Variants in CASZ1 observed in about 807,000 individuals in gnomAD.
The protein encoded by CASZ1 is castor zinc finger 1, also known as zinc finger protein castor homolog 1.
A neutral mutation model predicts 135.2 loss-of-function variants in CASZ1; 28 were observed. The observed-to-expected ratio is 0.21, with a 90% CI of 0.15 to 0.28. The LOEUF (loss-of-function observed/expected upper bound fraction) is 0.28. Among genes scored for constraint, CASZ1 ranks in the 10% least tolerant of loss-of-function variants. CASZ1 has a pLI of 1.00. For synonymous variants in CASZ1, 1,068 were observed against 1,073.4 expected (o/e 0.99, Z 0.10); for missense variants, 2,161 against 2,453.3 (o/e 0.88, Z 2.52).
At chr1:10,652,546 G>A (rs1642627991) in intron 11 of CASZ1, 1 of 152,256 alleles carries the variant, frequency 6.6e-6, no homozygotes, top group African/African-American at 2.4e-5. Flanking sequence ...ACTGGGAGAG[G>A]AGTGAGGTAA....
chr1:10,713,587 T>C (rs1474009311), intron 2 of CASZ1, among the ~76,000 whole-genome samples: 2 of 152,372 alleles, frequency 1.3e-5, no homozygotes. Context: ...CCAGCCATCC[T>C]GGACTGGAGG....
rs1640248608 is a variant in CASZ1, at chr1:10,756,032, C to T, written c.-77+4669G>A. ...CCCACGCGTGCACAGATGCACACGCCTCCCACCCGGACACACCCTCCCCCA... is the reference window on the plus strand; with the variant it reads ...CCCACGCGTGCACAGATGCACACGCTTCCCACCCGGACACACCCTCCCCCA... On this transcript the variant is annotated intron_variant, in intron 2 of 20. Coordinates refer to ENST00000377022, the MANE Select transcript of CASZ1 (RefSeq NM_001079843.3). This position sits in a 1 kb window ranked among gnomAD's most constrained non-coding sequence, Gnocchi z 5.9. 6.6e-6 allele frequency among the ~76,000 whole-genome samples: 1 copy of T among 152,162 alleles called. No homozygotes were observed. Among genetic ancestry groups the T allele is most frequent in the African/African-American group, 2.4e-5 (1 of 41,432 alleles).
intron 4 of CASZ1, among the ~76,000 whole-genome samples, chr1:10,673,420 C>T (rs1232764976): frequency 2.6e-5 from 4 of 152,058 alleles, no homozygotes; most frequent in Non-Finnish European, 4.4e-5. Context: ...CCTTCTTATC[C>T]GCCAGGGAGG....
In CASZ1 at chr1:10,657,944, G is replaced by C. The variant is rs1642862194; in HGVS notation, c.1409+564C>G. ...GAGCCTCACTGGGGAAGTGCATTGG[G>C]CTGTGTCAGAGAGGACGACAGCCCA... On this transcript the variant is annotated intron_variant, in intron 7 of 20. Coordinates refer to ENST00000377022, the MANE Select transcript of CASZ1 (RefSeq NM_001079843.3). The surrounding 1 kb of genome is among the most constrained non-coding windows in gnomAD (Gnocchi z 5.7). 1 of 153,104 alleles carries C rather than the reference G, an allele frequency of 6.5e-6. No homozygotes were observed. Among genetic ancestry groups the C allele is most frequent in the African/African-American group, 2.4e-5 (1 of 41,368 alleles). The allele number at this position is 153,104 out of a possible 1,614,324, so 9.5% of individuals were successfully genotyped here.
At chr1:10,761,409 A>C (rs1243086693) in intron 1 of CASZ1, among the ~76,000 whole-genome samples, 1 of 152,200 alleles carries the variant, frequency 6.6e-6, no homozygotes, top group African/African-American at 2.4e-5. Flanking sequence ...CAGGATAGTG[A>C]ATTTAATTTC....
At chr1:10,674,092 T>C (rs1158323634) in intron 4 of CASZ1, among the ~76,000 whole-genome samples, 1 of 152,232 alleles carries the variant, frequency 6.6e-6, no homozygotes, top group African/African-American at 2.4e-5. Context: ...GAGGTGCCTG[T>C]AGGGGCCCCA....
Position 10,665,533 on chromosome 1 carries a change from G to T in CASZ1, c.55C>A (p.Pro19Thr), listed in dbSNP as rs1240392888. The change falls in exon 5 of 21, where the codon CCC (proline) becomes ACC (threonine). Residue 19 changes from proline (P) to threonine (T), a missense_variant. Coordinates refer to ENST00000377022, the MANE Select transcript of CASZ1 (RefSeq NM_001079843.3). ...CCCTTGCGTTTGGGCGCCATGGCGG[G>T]CTTGCCTGCAGGCGGGTCCGTGCAC... ...TRCTDPPAGK[P>T]AMAPKRKGGL... 2 of 1,592,986 alleles carry T rather than the reference G, an allele frequency of 1.3e-6. No individual in the cohort carries two copies. Among genetic ancestry groups the T allele is most frequent in the South Asian group, 2.2e-5 (2 of 89,750 alleles).
At chr1:10,769,207 T>C (rs983279827) in intron 1 of CASZ1, among the ~76,000 whole-genome samples, 16 of 152,316 alleles carry the variant, frequency 1.1e-4, no homozygotes, top group African/African-American at 3.6e-4. Context: ...TGGACCACTA[T>C]GCAGCCCTTA....
At chr1:10,664,490 C>A (rs978818707) in intron 5 of CASZ1, among the ~76,000 whole-genome samples, 2 of 152,096 alleles carry the variant, frequency 1.3e-5, no homozygotes, top group African/African-American at 2.4e-5. Context: ...TAAGAGGATA[C>A]GCTGGCCGGG....
Position 10,721,876 on chromosome 1 carries a change from G to T in CASZ1, c.-76-16332C>A, listed in dbSNP as rs937699848. On this transcript the variant is annotated intron_variant, in intron 2 of 20. Coordinates refer to ENST00000377022, the MANE Select transcript of CASZ1 (RefSeq NM_001079843.3). The surrounding 1 kb of genome is among the most constrained non-coding windows in gnomAD (Gnocchi z 5.4). ...AGAGGCGGGCCCATGCCGAGGGGAA[G>T]AAGAGGGGCCAGGGCAGCCTCTTCG... is the stretch of plus-strand genomic sequence containing the variant. Among the ~76,000 whole-genome samples, 1 of 152,242 alleles carries T rather than the reference G, an allele frequency of 6.6e-6. No homozygotes were observed.
intron 4 of CASZ1, among the ~76,000 whole-genome samples, chr1:10,685,061 CT>C (rs1368004008): frequency 6.6e-6 from 1 of 152,250 alleles, no homozygotes; most frequent in African/African-American, 2.4e-5. Context: ...GCCAGGCCCC[CT>C]GGTATAATCC....
At position 10,769,815 on chromosome 1, in the gene CASZ1, C is replaced by A. The variant is rs570787825; in HGVS notation, c.-233-8958G>T. ...TACAGGAGTGAGCCGCCACACCTGG[C>A]CAGAAGTAATATTTAAGGGTGCTAT... is the stretch of plus-strand genomic sequence containing the variant. On this transcript the variant is annotated intron_variant, in intron 1 of 20. Transcript: ENST00000377022. Among the ~76,000 whole-genome samples the A allele has an allele frequency of 8.5e-5, 13 of 152,208 alleles. No individual in the cohort carries two copies. The South Asian group carries it at 2.3e-3, about 27-fold the overall frequency.
intron 2 of CASZ1, among the ~76,000 whole-genome samples, chr1:10,743,783 C>T (rs552957889): frequency 9.0e-5 from 12 of 133,520 alleles, no homozygotes; most frequent in Admixed American, 3.2e-4. Context: ...GGAGGGCAGG[C>T]GGGATGGGAG....
At chr1:10,768,665 G>A (rs572661055) in intron 1 of CASZ1, among the ~76,000 whole-genome samples, 1 of 152,190 alleles carries the variant, frequency 6.6e-6, no homozygotes, top group Non-Finnish European at 1.5e-5. Context: ...AGCCCACTGT[G>A]GGGGAGGGGA....
chr1:10,787,648 C>A (rs1191257440), intron 1 of CASZ1, among the ~76,000 whole-genome samples: 1 of 152,134 alleles, frequency 6.6e-6, no homozygotes, highest in African/African-American at 2.4e-5. Context: ...CGCGCACGAT[C>A]ACCCGCACAC....
In CASZ1 at chr1:10,650,672, G is replaced by C. The variant is rs369586270; in HGVS notation, c.2880+20C>G. The C allele has an allele frequency of 6.2e-7, 1 of 1,603,274 alleles. No individual in the cohort carries two copies. Among genetic ancestry groups the C allele is most frequent in the South Asian group, 1.1e-5 (1 of 90,876 alleles). ...TTCTCTGGGTGGGGGAACGGGAGGCGTGTGATGGATGGCTCTTACCTTATT... is the reference window on the plus strand; with the variant it reads ...TTCTCTGGGTGGGGGAACGGGAGGCCTGTGATGGATGGCTCTTACCTTATT... On this transcript the variant is annotated intron_variant, in intron 13 of 20. Transcript: ENST00000377022.
chr1:10,661,734 ACATACACATG>A (rs922224731), intron 5 of CASZ1, among the ~76,000 whole-genome samples: 6 of 151,074 alleles, frequency 4.0e-5, no homozygotes, highest in Admixed American at 3.3e-4. Flanking sequence ...CACACACAAA[ACATACACATG>A]CATTCTCATA....
intron 3 of CASZ1, among the ~76,000 whole-genome samples, chr1:10,696,858 G>T (rs867180298): frequency 6.6e-6 from 1 of 152,240 alleles, no homozygotes; most frequent in African/African-American, 2.4e-5. Flanking sequence ...GAAAAGGAAA[G>T]CATCTTCCCT....
rs77544549 is a variant in CASZ1, at chr1:10,786,975, C to T, written c.-234+9589G>A. ...GAATTCACAGGGGTCCCCTTTGAGA[C>T]TGATACCATATGACATAAAAACCGG... On this transcript the variant is annotated intron_variant, in intron 1 of 20. Transcript: ENST00000377022. Among the ~76,000 whole-genome samples, 12 of 152,314 alleles carry T rather than the reference C, an allele frequency of 7.9e-5. No individual in the cohort carries two copies. In the East Asian group the frequency reaches 2.3e-3, roughly 29 times the overall value.
Sources: allele counts gnomAD v4.1 joint callset (sites outside exome capture counted in the v4.1 genomes callset), GRCh38; gene constraint gnomAD v4.1.1; non-coding constraint Gnocchi (gnomAD v3.1); transcripts MANE v1.5; gene names NCBI Gene and HGNC (gene_info 2026-07-23, HGNC 2026-07-21).